The following VPS4B variants were observed in gnomAD, a reference collection of about 807,000 sequenced individuals.
VPS4B encodes the protein vacuolar protein sorting-associated protein 4B.
In VPS4B, 23 loss-of-function variants were observed where a neutral mutation model predicts 56.1. The ratio of observed to expected loss-of-function variants is 0.41; its 90% CI spans 0.30 to 0.58. The LOEUF (loss-of-function observed/expected upper bound fraction) is 0.58, where lower values mean the gene tolerates loss of function less well. Ranked by LOEUF, VPS4B falls within the 20% of genes least tolerant of loss-of-function variation. The pLI is 0.29. For missense variants in VPS4B, 372 were observed against 531.9 expected (o/e 0.70, Z 2.96); for synonymous variants, 177 against 186.0 (o/e 0.95, Z 0.39).
At chr18:63,408,817 C>G (rs1490779265) in intron 3 of VPS4B, among the ~76,000 whole-genome samples, 3 of 152,110 alleles carry the variant, frequency 2.0e-5, no homozygotes, top group Non-Finnish European at 4.4e-5. Context: ...GATTGCTGTT[C>G]AGTACAAAAG....
intron 4 of VPS4B, among the ~76,000 whole-genome samples, chr18:63,405,086 T>A (rs1427028389): frequency 6.6e-6 from 1 of 152,178 alleles, no homozygotes; most frequent in African/African-American, 2.4e-5. Flanking sequence ...GTGTCATGAT[T>A]TGTTTTCATA....
chr18:63,395,182 C>A (rs372826566), intron 9 of VPS4B, among the ~76,000 whole-genome samples: 4 of 152,220 alleles, frequency 2.6e-5, no homozygotes, highest in South Asian at 2.1e-4. Context: ...TGTGAGCTCA[C>A]CCTGGCAGTA....
At chr18:63,403,986 G>A (rs1915865444) in intron 4 of VPS4B, among the ~76,000 whole-genome samples, 160 bp from the exon 5 acceptor site, 1 of 152,176 alleles carries the variant, frequency 6.6e-6, no homozygotes, top group Admixed American at 6.5e-5. Context: ...CAGGTGTTAG[G>A]GAGTAGTCAA....
At chr18:63,416,671 T>C (rs984536083) in intron 1 of VPS4B, among the ~76,000 whole-genome samples, 3 of 152,162 alleles carry the variant, frequency 2.0e-5, no homozygotes, top group African/African-American at 4.8e-5. Flanking sequence ...AAAATCCTGA[T>C]GCTAGAGCTG....
Position 63,389,348 on chromosome 18 carries a change from T to G in VPS4B, c.*1627A>C, listed in dbSNP as rs942480555. On this transcript the variant is annotated 3_prime_UTR_variant, in exon 11 of 11. Coordinates refer to ENST00000238497, the MANE Select transcript of VPS4B (RefSeq NM_004869.4). ...TTCACATAAGAGCATAATTCAGGCC[T>G]TTTCCATTTAATAACAAAAACAATC... 6.6e-6 allele frequency: 1 copy of G among 152,630 alleles called. No homozygotes were observed. Among genetic ancestry groups the G allele is most frequent in the Non-Finnish European group, 1.5e-5 (1 of 68,046 alleles). The allele number at this position is 152,630 out of a possible 1,614,324, so 9.5% of individuals were successfully genotyped here. A position where few individuals can be genotyped will look rare whatever the true frequency, so the allele number is the denominator to read the frequency against.
chr18:63,420,158 C>G (rs1331925957), intron 1 of VPS4B, among the ~76,000 whole-genome samples: 2 of 152,136 alleles, frequency 1.3e-5, no homozygotes, highest in Non-Finnish European at 2.9e-5. Flanking sequence ...AAGTATGATG[C>G]ATTCTGGGGC....
At chr18:63,419,486 T>C (rs7239813) in intron 1 of VPS4B, among the ~76,000 whole-genome samples, 53,526 of 151,942 alleles carry the variant, frequency 0.35, 9,620 homozygotes, top group East Asian at 0.53. Context: ...CTTTGATCAA[T>C]CCTTTCCACT....
At chr18:63,398,905 T>C (rs769384420) in intron 8 of VPS4B, among the ~76,000 whole-genome samples, 2 of 152,182 alleles carry the variant, frequency 1.3e-5, no homozygotes, top group African/African-American at 2.4e-5. Context: ...TAAAATTTTA[T>C]ATAAATGGTT....
chr18:63,403,571 A>C, intron 5 of VPS4B, 136 bp downstream of exon 5: 3 of 980,440 alleles, frequency 3.1e-6, no homozygotes, highest in Non-Finnish European at 4.3e-6. Flanking sequence ...ATCTTGTATA[A>C]AGATATATCA....
chr18:63,409,484 C>T (rs1480963587), intron 3 of VPS4B, among the ~76,000 whole-genome samples: 5 of 152,198 alleles, frequency 3.3e-5, no homozygotes, highest in African/African-American at 1.2e-4. Context: ...CAGATAACTC[C>T]ATCCCAGAGT....
intron 10 of VPS4B, among the ~76,000 whole-genome samples, chr18:63,392,038 G>A (rs1046236010): frequency 7.9e-5 from 12 of 152,174 alleles, no homozygotes; most frequent in Admixed American, 5.2e-4. Context: ...AGGGGTTTCT[G>A]AGTAACTTCT....
intron 1 of VPS4B, among the ~76,000 whole-genome samples, chr18:63,417,760 T>C (rs1916202174): frequency 6.6e-6 from 1 of 152,174 alleles, no homozygotes. Flanking sequence ...CTTCTTTATA[T>C]TCCCAGAGTC....
At chr18:63,418,771 G>T (rs1916226815) in intron 1 of VPS4B, among the ~76,000 whole-genome samples, 1 of 152,124 alleles carries the variant, frequency 6.6e-6, no homozygotes, top group South Asian at 2.1e-4. Flanking sequence ...CTAATCCATA[G>T]AATTTCTAAC....
chr18:63,406,352 T>C (rs2144426150), intron 4 of VPS4B, among the ~76,000 whole-genome samples: 1 of 152,352 alleles, frequency 6.6e-6, no homozygotes, highest in African/African-American at 2.4e-5. Flanking sequence ...AGTGTTTTCC[T>C]AGACATCCCA....
chr18:63,413,023 C>G (rs1916080457), intron 1 of VPS4B, among the ~76,000 whole-genome samples: 1 of 152,100 alleles, frequency 6.6e-6, no homozygotes, highest in Non-Finnish European at 1.5e-5. Flanking sequence ...CAAAACATAT[C>G]TAACAAAGAA....
intron 8 of VPS4B, among the ~76,000 whole-genome samples, chr18:63,398,547 A>G (rs1237750548): frequency 6.6e-6 from 1 of 151,972 alleles, no homozygotes; most frequent in Non-Finnish European, 1.5e-5. Flanking sequence ...TAAAAAAAAA[A>G]AAAATCTTGG....
Position 63,407,672 on chromosome 18 carries a change from T to C in VPS4B, c.297-173A>G, listed in dbSNP as rs551335941. 6.6e-5 allele frequency among the ~76,000 whole-genome samples: 10 copies of C among 152,294 alleles called. No homozygotes were observed. In the South Asian group the frequency reaches 1.9e-3, roughly 28 times the overall value. On this transcript the variant is annotated intron_variant, in intron 3 of 10. Transcript: ENST00000238497. ...ATGTAGTAAATAAGAAGCAGTCACG[T>C]TATCATCAATAGAGAATCATGTAAA...
intron 9 of VPS4B, chr18:63,396,792 C>T: frequency 2.4e-6 from 1 of 422,518 alleles, no homozygotes; most frequent in Admixed American, 3.9e-5. Flanking sequence ...AGTTCGAGAC[C>T]AGCCTGGCCA....
intron 1 of VPS4B, among the ~76,000 whole-genome samples, chr18:63,414,295 G>A (rs1414333482): frequency 2.6e-5 from 4 of 151,414 alleles, no homozygotes; most frequent in East Asian, 2.0e-4. Context: ...GCTTGAATCC[G>A]GGAGACAGAG....
Sources: allele counts gnomAD v4.1 joint callset (sites outside exome capture counted in the v4.1 genomes callset), GRCh38; gene constraint gnomAD v4.1.1; transcripts MANE v1.5; gene names NCBI Gene and HGNC (gene_info 2026-07-23, HGNC 2026-07-21).